SLC25A48: variants seen among roughly 807,000 people sequenced by gnomAD.
The protein encoded by SLC25A48 is CTC-321K16.1.
In SLC25A48, 29 loss-of-function variants were observed where a neutral mutation model predicts 32.2. That is an observed-to-expected ratio of 0.90 (90% CI 0.67 to 1.23). SLC25A48 has a LOEUF of 1.23. Among genes scored for constraint, SLC25A48 ranks in the 50% most tolerant of loss-of-function variants. The pLI is 0.00. For synonymous variants in SLC25A48, 164 were observed against 172.3 expected (o/e 0.95, Z 0.38); for missense variants, 399 against 422.7 (o/e 0.94, Z 0.49).
At chr5:135,605,586 A>G (rs1439505432) in intron 1 of SLC25A48, among the ~76,000 whole-genome samples, 5 of 152,256 alleles carry the variant, frequency 3.3e-5, no homozygotes, top group Non-Finnish European at 5.9e-5. Context: ...CTTGCTTTTC[A>G]GAAATGAGAA....
At chr5:135,633,087 G>A (rs1252545024) in intron 2 of SLC25A48, among the ~76,000 whole-genome samples, 1 of 152,182 alleles carries the variant, frequency 6.6e-6, no homozygotes, top group Non-Finnish European at 1.5e-5. Context: ...GTTTAATAGT[G>A]ATTTCAAGTG....
intron 3 of SLC25A48, among the ~76,000 whole-genome samples, chr5:135,797,146 C>A (rs1236520336): frequency 6.6e-6 from 1 of 151,706 alleles, no homozygotes; most frequent in Admixed American, 6.6e-5. Flanking sequence ...CTGTGATATT[C>A]TTCCTAATAT....
chr5:135,842,205 C>T (rs965245044), intron 1 of SLC25A48, among the ~76,000 whole-genome samples: 1 of 152,188 alleles, frequency 6.6e-6, no homozygotes, highest in Admixed American at 6.5e-5. Context: ...GTCCCTTTGC[C>T]TTCCTTTTAT....
rs116523492 is a variant in SLC25A48 at position 135,586,444 on chromosome 5, C to T, written c.-849+6847C>T. On this transcript the variant is annotated intron_variant, in intron 1 of 10. Transcript: ENST00000646290. ...CTGAAATTCAAATTTAACTTGTGGC[C>T]TGTATTTTAACTGGCAACCCTACAT... 3.7e-3 allele frequency among the ~76,000 whole-genome samples: 570 copies of T among 152,322 alleles called. 5 individuals are homozygous for T. The highest frequency in any genetic ancestry group is 0.013 in the African/African-American group (550 of 41,570).
At chr5:135,770,086 G>T (rs75074230) in intron 3 of SLC25A48, among the ~76,000 whole-genome samples, 6,460 of 61,290 alleles carry the variant, frequency 0.11, 276 homozygotes, top group African/African-American at 0.15. Flanking sequence ...CCTAATAGCC[G>T]GGGGGGAGAC....
At chr5:135,593,404 T>A (rs1751571958) in intron 1 of SLC25A48, among the ~76,000 whole-genome samples, 1 of 152,208 alleles carries the variant, frequency 6.6e-6, no homozygotes, top group African/African-American at 2.4e-5. Flanking sequence ...TGTCTTAACC[T>A]CAGGTCAACA....
At chr5:135,633,567 G>A (rs892335454) in intron 2 of SLC25A48, among the ~76,000 whole-genome samples, 2 of 151,866 alleles carry the variant, frequency 1.3e-5, no homozygotes, top group Admixed American at 6.6e-5. Flanking sequence ...TCTTGATTTT[G>A]GATTTCAAGG....
chr5:135,645,122 G>T (rs56084341), intron 3 of SLC25A48, among the ~76,000 whole-genome samples: 1 of 152,174 alleles, frequency 6.6e-6, no homozygotes, highest in Non-Finnish European at 1.5e-5. Context: ...ATTAAATGGC[G>T]TACGGGAGCG....
Position 135,842,463 on chromosome 5 carries a change from C to T in SLC25A48, c.90+4C>T, listed in dbSNP as rs1206989412. On this transcript the variant is annotated splice_donor_region_variant and intron_variant, in intron 2 of 7. Transcript: ENST00000681962. ...CCACCCTCTGGACACAGTCAAGGTA[C>T]AGTAGCCATGTTTCCCATTACCTCT... 1 of 1,613,412 alleles carries T rather than the reference C, an allele frequency of 6.2e-7. No individual in the cohort carries two copies. The highest frequency in any genetic ancestry group is 2.2e-5 in the East Asian group (1 of 44,882).
intron 4 of SLC25A48, among the ~76,000 whole-genome samples, chr5:135,853,591 C>T (rs1033508392): frequency 6.6e-6 from 1 of 152,190 alleles, no homozygotes; most frequent in Non-Finnish European, 1.5e-5. Flanking sequence ...TGAGATTGCA[C>T]CATTCAGCCC....
At chr5:135,665,765 G>A (rs199512282) in intron 3 of SLC25A48, among the ~76,000 whole-genome samples, 19 of 148,098 alleles carry the variant, frequency 1.3e-4, no homozygotes, top group South Asian at 2.1e-4. Flanking sequence ...TATTCTTTTT[G>A]AAAAAAAAAA....
At chr5:135,725,507 T>C (rs760818433) in intron 3 of SLC25A48, among the ~76,000 whole-genome samples, 1 of 152,212 alleles carries the variant, frequency 6.6e-6, no homozygotes, top group Non-Finnish European at 1.5e-5. Flanking sequence ...GATTTTATTC[T>C]AGGTTCAGCA....
At chr5:135,607,638 G>A (rs1012765173) in intron 1 of SLC25A48, among the ~76,000 whole-genome samples, 2 of 152,170 alleles carry the variant, frequency 1.3e-5, no homozygotes, top group Non-Finnish European at 2.9e-5. Context: ...GAGTGTATAT[G>A]TTTTCCTGCT....
Position 135,763,790 on chromosome 5 carries a change from C to A in SLC25A48, c.-520-48733C>A, listed in dbSNP as rs564836655. On this transcript the variant is annotated intron_variant, in intron 3 of 10. Transcript: ENST00000646290. ...ACACACACACACACACACACACACA[C>A]GAGAGAGAGACAGAGAAAACCCAGA... Among the ~76,000 whole-genome samples the A allele has an allele frequency of 5.4e-4, 82 of 151,310 alleles. 1 individual carries two copies. In the South Asian group the frequency reaches 0.013, roughly 25 times the overall value.
chr5:135,617,318 C>A (rs1365452086), intron 1 of SLC25A48, among the ~76,000 whole-genome samples: 1 of 151,852 alleles, frequency 6.6e-6, no homozygotes, highest in Non-Finnish European at 1.5e-5. Context: ...CTTTCTATTT[C>A]AGATTTTGTA....
intron 3 of SLC25A48, among the ~76,000 whole-genome samples, chr5:135,637,619 TC>T (rs1752735292): frequency 6.6e-6 from 1 of 152,202 alleles, no homozygotes; most frequent in Non-Finnish European, 1.5e-5. Context: ...TGTTTTTCCA[TC>T]GGGAGAGAAA....
chr5:135,797,680 C>T (rs796242478), intron 3 of SLC25A48, among the ~76,000 whole-genome samples: 1 of 151,080 alleles, frequency 6.6e-6, no homozygotes, highest in African/African-American at 2.4e-5. Context: ...CCAGGGCAGG[C>T]AGAAGATGAT....
chr5:135,839,489 G>A (rs1015882453), intron 1 of SLC25A48, among the ~76,000 whole-genome samples: 3 of 152,178 alleles, frequency 2.0e-5, no homozygotes, highest in African/African-American at 7.2e-5. Context: ...TAACTAACTT[G>A]CTTTTGATTT....
At chr5:135,885,329 G>A (rs1477138125) in intron 7 of SLC25A48, among the ~76,000 whole-genome samples, 1 of 152,130 alleles carries the variant, frequency 6.6e-6, no homozygotes, top group East Asian at 1.9e-4. Context: ...GATCCCACAA[G>A]CCTGCTGGGC....
Sources: gnomAD v4.1 joint callset for allele counts (sites outside exome capture counted in the v4.1 genomes callset) on GRCh38, gnomAD v4.1.1 for gene constraint, MANE v1.5 for transcripts, NCBI Gene and HGNC (gene_info 2026-07-23, HGNC 2026-07-21) for gene names.